The following TSHR variants were observed in gnomAD, a reference collection of about 807,000 sequenced individuals.
TSHR encodes the protein thyroid stimulating hormone receptor, also known as thyrotropin receptor.
A neutral mutation model predicts 64.1 loss-of-function variants in TSHR; 51 were observed. The observed-to-expected ratio is 0.80, with a 90% CI of 0.64 to 1.01. The LOEUF (loss-of-function observed/expected upper bound fraction) is 1.01, where lower values mean the gene tolerates loss of function less well. Among genes scored for constraint, TSHR ranks in the 50% least tolerant of loss-of-function variants. The pLI is 0.00. For synonymous variants in TSHR, 361 were observed against 361.9 expected (o/e 1.00, Z 0.03); for missense variants, 877 against 942.8 (o/e 0.93, Z 0.91).
chr14:81,092,307 CACTT>C (rs1888801655), intron 5 of TSHR, among the ~76,000 whole-genome samples: 1 of 152,134 alleles, frequency 6.6e-6, no homozygotes, highest in African/African-American at 2.4e-5. Flanking sequence ...CTAAAGCTCT[CACTT>C]ACCCCACATT....
Position 81,091,010 on chromosome 14 carries a change from T to C in TSHR, c.393-59T>C, listed in dbSNP as rs143482654. 1,213 of 1,403,352 alleles carry C rather than the reference T, an allele frequency of 8.6e-4. 11 individuals carry two copies. In the African/African-American group the frequency reaches 0.016, roughly 18 times the overall value. The allele number at this position is 1,403,352 out of a possible 1,614,324, so 86.9% of individuals were successfully genotyped here. A position where few individuals can be genotyped will look rare whatever the true frequency, so the allele number is the denominator to read the frequency against. Reference sequence around the variant, plus strand: ...AGCTATTACATTATTCTCCTTCCTATGTGTTGATTTTTTTACCTAAATTCT... The same window carrying C: ...AGCTATTACATTATTCTCCTTCCTACGTGTTGATTTTTTTACCTAAATTCT... On this transcript the variant is annotated intron_variant, in intron 4 of 9. Transcript: ENST00000298171.
intron 1 of TSHR, among the ~76,000 whole-genome samples, chr14:80,996,662 AT>A (rs537327135): frequency 1.3e-5 from 2 of 152,090 alleles, no homozygotes; most frequent in South Asian, 2.1e-4. Flanking sequence ...ACCACTACGA[AT>A]TTATTCTCTT....
chr14:81,122,381 A>G (rs955244563), intron 8 of TSHR, among the ~76,000 whole-genome samples: 2 of 151,700 alleles, frequency 1.3e-5, no homozygotes, highest in African/African-American at 4.8e-5. Flanking sequence ...CATGTAGAAA[A>G]CTTAGCAAGA....
At chr14:81,068,485 G>GT in intron 3 of TSHR, 157 bp downstream of exon 3, 1 of 682,556 alleles carries the variant, frequency 1.5e-6, no homozygotes, top group Non-Finnish European at 2.6e-6. Context: ...CTCAGTTCAT[G>GT]TTAATTCATC....
intron 1 of TSHR, among the ~76,000 whole-genome samples, chr14:80,989,763 A>T (rs895201619): frequency 6.6e-6 from 1 of 152,132 alleles, no homozygotes. Context: ...GACACTTTAG[A>T]GGTTTGGATT....
intron 1 of TSHR, among the ~76,000 whole-genome samples, chr14:81,046,145 C>A (rs1421504638): frequency 6.6e-6 from 1 of 152,102 alleles, no homozygotes; most frequent in East Asian, 1.9e-4. Context: ...AAATTGGTGG[C>A]CATGTTTTTA....
chr14:81,028,530 G>C (rs1034524081), intron 1 of TSHR, among the ~76,000 whole-genome samples: 2 of 151,944 alleles, frequency 1.3e-5, no homozygotes, highest in Non-Finnish European at 2.9e-5. Context: ...TAGTAGTAAG[G>C]GGTAGCTGGA....
intron 7 of TSHR, among the ~76,000 whole-genome samples, chr14:81,102,423 A>T (rs1231972058): frequency 6.6e-6 from 1 of 152,212 alleles, no homozygotes; most frequent in Non-Finnish European, 1.5e-5. Flanking sequence ...ACTATTTCAC[A>T]ATACTTTCTT....
intron 1 of TSHR, among the ~76,000 whole-genome samples, chr14:81,020,228 C>A (rs1259771525): frequency 6.6e-6 from 1 of 152,108 alleles, no homozygotes; most frequent in Non-Finnish European, 1.5e-5. Flanking sequence ...TAGAAATAGC[C>A]AAAATGTTCT....
At chr14:81,109,066 T>C in intron 8 of TSHR, 1 of 1,065,010 alleles carries the variant, frequency 9.4e-7, no homozygotes, top group Non-Finnish European at 1.2e-6. Context: ...TCCCTTGGTT[T>C]TGCCTCAGTT....
intron 1 of TSHR, among the ~76,000 whole-genome samples, chr14:80,986,741 C>T (rs1204130216): frequency 2.0e-5 from 3 of 152,218 alleles, no homozygotes; most frequent in African/African-American, 7.2e-5. Context: ...CCCGCCTTGG[C>T]GTCCCAAAGT....
At chr14:81,139,603 T>G in intron 8 of TSHR, 76 bp from the exon 9 acceptor site, 1 of 1,499,816 alleles carries the variant, frequency 6.7e-7, no homozygotes, top group Non-Finnish European at 9.3e-7. Context: ...TCAGGCCTGT[T>G]TGAGTTTCTG....
chr14:81,061,150 A>G (rs573859022), intron 1 of TSHR, among the ~76,000 whole-genome samples: 23 of 152,278 alleles, frequency 1.5e-4, no homozygotes, highest in Non-Finnish European at 3.1e-4. Flanking sequence ...GATCGAAGAG[A>G]CTTTTACTTG....
intron 8 of TSHR, among the ~76,000 whole-genome samples, chr14:81,120,308 C>T (rs372711455): frequency 2.0e-5 from 3 of 152,174 alleles, no homozygotes; most frequent in South Asian, 4.1e-4. Flanking sequence ...CAAGAACAGA[C>T]ATCCAAGAAC....
chr14:81,000,740 A>C (rs1889265557), intron 1 of TSHR, among the ~76,000 whole-genome samples: 1 of 152,142 alleles, frequency 6.6e-6, no homozygotes, highest in African/African-American at 2.4e-5. Flanking sequence ...TTATCCCTTA[A>C]GCACTCTCCA....
chr14:81,084,007 C>T (rs542875437), intron 3 of TSHR, among the ~76,000 whole-genome samples: 6 of 152,272 alleles, frequency 3.9e-5, no homozygotes, highest in East Asian at 3.9e-4. Context: ...TCACCTCCCG[C>T]GAGGTCCCTC....
chr14:81,006,825 A>T (rs1889632360), intron 1 of TSHR, among the ~76,000 whole-genome samples: 1 of 151,996 alleles, frequency 6.6e-6, no homozygotes, highest in South Asian at 2.1e-4. Flanking sequence ...AAATATAGTC[A>T]CTTTCTGAGG....
At chr14:81,067,945 A>ATATC (rs1415116186) in intron 2 of TSHR, among the ~76,000 whole-genome samples, 2 of 140,584 alleles carry the variant, frequency 1.4e-5, no homozygotes, top group Non-Finnish European at 3.0e-5. Flanking sequence ...ATATATATAT[A>ATATC]TATATATATC....
At chr14:80,983,047 C>T (rs146625531) in intron 1 of TSHR, 20 of 543,598 alleles carry the variant, frequency 3.7e-5, no homozygotes, top group African/African-American at 2.3e-4. Context: ...TAACGTTCAC[C>T]CATTTGCCCA....
Sources: gnomAD v4.1 joint callset for allele counts (sites outside exome capture counted in the v4.1 genomes callset) on GRCh38, gnomAD v4.1.1 for gene constraint, MANE v1.5 for transcripts, NCBI Gene and HGNC (gene_info 2026-07-23, HGNC 2026-07-21) for gene names.